Variants in IRAG1 observed in about 807,000 individuals in gnomAD.
IRAG1 encodes the protein IP3R-associated cGMP kinase substrate.
IRAG1 carries 62 observed loss-of-function variants against 106.2 expected under a neutral mutation model. The ratio of observed to expected loss-of-function variants is 0.58; its 90% CI spans 0.48 to 0.72. The LOEUF is 0.72. Ranked by LOEUF, IRAG1 falls within the 30% of genes least tolerant of loss-of-function variation. The pLI, the probability that IRAG1 is intolerant of heterozygous loss-of-function variation, is 0.00. For missense variants in IRAG1, 1,064 were observed against 1,140.7 expected, an observed-to-expected ratio of 0.93 and a Z score of 0.97; for synonymous variants, 462 against 443.9, an observed-to-expected ratio of 1.04 and a Z score of -0.51.
Position 10,632,019 on chromosome 11 carries a change from C to T in IRAG1, c.372G>A (p.Lys124=). The stretch of plus-strand genomic sequence containing the variant: ...CAGATGTCAGGGAGGCAGTGGACAC[C>T]TTCAAGTGTCGGTGAGAAAGCCTCT... ...PHKRLSHRHL[K]VSTASLTSVD... is the part of the protein sequence containing the mutation. The change falls in exon 4 of 21, where the codon AAG becomes AAA. Residue 124 remains lysine, a synonymous_variant. Transcript: ENST00000423302. 1 of 1,613,850 alleles carries T rather than the reference C, an allele frequency of 6.2e-7. No homozygotes were observed. The highest frequency in any genetic ancestry group is 8.5e-7 in the Non-Finnish European group (1 of 1,179,854).
At chr11:10,634,772 T>TGTGTGG (rs1270499691) in intron 2 of IRAG1, among the ~76,000 whole-genome samples, 1 of 151,502 alleles carries the variant, frequency 6.6e-6, no homozygotes, top group Non-Finnish European at 1.5e-5. Flanking sequence ...TGTGTGTGTG[T>TGTGTGG]GTGTGTGTGT....
Position 10,628,872 on chromosome 11 carries a change from G to A in IRAG1, c.575-44C>T, listed in dbSNP as rs1257095095. On this transcript the variant is annotated intron_variant, in intron 5 of 20. Transcript: ENST00000423302. The surrounding 1 kb of genome is among the most constrained non-coding windows in gnomAD (Gnocchi z 4.1). ...ATTGGCTGGCATTCATGAAGGTTTA[G>A]GACTTCAACCTGGCAAAGGCATCCT... is the stretch of plus-strand genomic sequence containing the variant. 6.5e-7 allele frequency: 1 copy of A among 1,532,996 alleles called. No homozygotes were observed. The highest frequency in any genetic ancestry group is 1.4e-5 in the African/African-American group (1 of 72,330). 95.0% of individuals were successfully genotyped at this position (1,532,996 alleles called of 1,614,324 possible).
At position 10,626,177 on chromosome 11, in the gene IRAG1, C is replaced by G. The variant is rs769449100; in HGVS notation, c.1157G>C (p.Arg386Pro). Reference protein sequence around the residue: ...SKAELPPTVSRPPLLRGLSWD... With the variant: ...SKAELPPTVSPPPLLRGLSWD... ...GGAGAGCCCTCGCAGCAGCGGGGGCCGGGACACAGTGGGTGGAAGCTCAGC... is the reference window on the plus strand; with the variant it reads ...GGAGAGCCCTCGCAGCAGCGGGGGCGGGGACACAGTGGGTGGAAGCTCAGC... Residue 386 changes from arginine (R) to proline (P), a missense_variant, in exon 9 of 21, where the codon CGG becomes CCG. Transcript: ENST00000423302. 1 of 1,552,526 alleles carries G rather than the reference C, an allele frequency of 6.4e-7. No homozygotes were observed. The highest frequency in any genetic ancestry group is 1.4e-5 in the African/African-American group (1 of 72,970).
chr11:10,603,260 G>C lies in IRAG1; in HGVS notation c.1744-9C>G. The C allele has an allele frequency of 6.2e-7, 1 of 1,613,354 alleles. No individual in the cohort carries two copies. On this transcript the variant is annotated splice_polypyrimidine_tract_variant and intron_variant, in intron 13 of 20. Transcript: ENST00000423302. The stretch of plus-strand genomic sequence containing the variant: ...CAGAGTGAAGCTGAGGACTGAACAG[G>C]AGTAGGAGCATCACCTGGGGTCCTC...
At chr11:10,614,695 G>T (rs1390005195) in intron 10 of IRAG1, among the ~76,000 whole-genome samples, 1 of 152,330 alleles carries the variant, frequency 6.6e-6, no homozygotes, top group East Asian at 1.9e-4. Flanking sequence ...ATGGGGAAAG[G>T]AGTCCTATTT....
intron 1 of IRAG1, among the ~76,000 whole-genome samples, chr11:10,680,411 AAG>A (rs1482564882): frequency 2.8e-4 from 33 of 117,326 alleles, no homozygotes; most frequent in South Asian, 6.0e-4. Context: ...GAAGGAAAGA[AAG>A]GGAAAGAAAG....
intron 2 of IRAG1, among the ~76,000 whole-genome samples, chr11:10,646,922 T>G (rs1857996222): frequency 6.6e-6 from 1 of 152,024 alleles, no homozygotes. Context: ...GACAGCCCAC[T>G]CAAGTTAAAG....
intron 18 of IRAG1, among the ~76,000 whole-genome samples, chr11:10,585,298 C>CTA (rs1318175683): frequency 6.6e-6 from 1 of 152,112 alleles, no homozygotes; most frequent in Non-Finnish European, 1.5e-5. Context: ...TTCAGCTCCC[C>CTA]TATAGGGCTC....
At chr11:10,591,800 C>CCTCTAGGGCACATGCAGCTTCCTCCTTTT (rs1852705002) in intron 17 of IRAG1, among the ~76,000 whole-genome samples, 188 bp from the exon 18 acceptor site, 1 of 152,202 alleles carries the variant, frequency 6.6e-6, no homozygotes, top group Non-Finnish European at 1.5e-5. Context: ...GTCCTCCTTT[C>CCTCTAGGGCACATGCAGCTTCCTCCTTTT]CTCTAGGGCA....
At chr11:10,677,523 TC>T (rs1860781136) in intron 1 of IRAG1, among the ~76,000 whole-genome samples, 1 of 152,070 alleles carries the variant, frequency 6.6e-6, no homozygotes, top group African/African-American at 2.4e-5. Context: ...GACTACCCCG[TC>T]CCCTCCCCTC....
Position 10,603,131 on chromosome 11 carries a change from C to T in IRAG1, c.1864G>A (p.Ala622Thr), listed in dbSNP as rs748355348. 10 of 1,609,736 alleles carry T rather than the reference C, an allele frequency of 6.2e-6. No individual in the cohort carries two copies. Among genetic ancestry groups the T allele is most frequent in the African/African-American group, 2.7e-5 (2 of 74,832 alleles). The stretch of plus-strand genomic sequence containing the variant: ...CTGGAGAGACTCACCTGGCGGACGG[C>T]GCCTACCACCTCAGCTCGGCTGGAG... ...RLSSRAEVVG[A>T]VRQEKRMSKA... The change falls in exon 14 of 21, where the codon GCC (alanine) becomes ACC (threonine). Residue 622 changes from alanine to threonine, a missense_variant. Ala to Thr is a moderately conservative substitution (Grantham distance 58, BLOSUM62 0). Transcript: ENST00000423302.
chr11:10,688,378 TCAC>T (rs1469116056), intron 1 of IRAG1, among the ~76,000 whole-genome samples: 3 of 152,160 alleles, frequency 2.0e-5, no homozygotes, highest in Non-Finnish European at 2.9e-5. Context: ...GGGGTTATTT[TCAC>T]CACACCTGTA....
intron 15 of IRAG1, chr11:10,599,818 G>A (rs1192598285): frequency 6.6e-6 from 1 of 152,190 alleles, no homozygotes; most frequent in Non-Finnish European, 1.5e-5. Flanking sequence ...GACTGAGAAA[G>A]AGCCTCCTAC....
At chr11:10,577,530 T>C (rs910723201) in intron 20 of IRAG1, among the ~76,000 whole-genome samples, 6 of 152,084 alleles carry the variant, frequency 3.9e-5, no homozygotes, top group Admixed American at 2.0e-4. Context: ...CTAACCCAAT[T>C]TAAAAAATAA....
chr11:10,681,466 TA>T (rs1328416070), intron 1 of IRAG1, among the ~76,000 whole-genome samples: 1 of 152,058 alleles, frequency 6.6e-6, no homozygotes, highest in Non-Finnish European at 1.5e-5. Context: ...TTGTAGAAAA[TA>T]AACAATAACA....
intron 1 of IRAG1, among the ~76,000 whole-genome samples, chr11:10,670,316 T>A (rs1360876276): frequency 6.6e-6 from 1 of 152,220 alleles, no homozygotes; most frequent in Non-Finnish European, 1.5e-5. Context: ...CTAGGTGTTA[T>A]GTACATGTCT....
At position 10,629,636 on chromosome 11, in the gene IRAG1, T is replaced by C; in HGVS notation, c.476A>G (p.Lys159Arg). The stretch of plus-strand genomic sequence containing the variant: ...GGCTTCTTCCAGCAGCGCCAGGTTT[T>C]TCTTCTTGTCCTCCTCTGAGATGCT... The part of the protein sequence containing the change: ...DISISEEDKK[K>R]NLALLEEAKL... Residue 159 changes from lysine to arginine, a missense_variant, in exon 5 of 21, where the codon AAA becomes AGA. Lys to Arg is a conservative substitution (Grantham distance 26). Coordinates refer to ENST00000423302, the MANE Select transcript of IRAG1 (RefSeq NM_130385.4). 6.2e-7 allele frequency: 1 copy of C among 1,614,008 alleles called. No individual in the cohort carries two copies. The highest frequency in any genetic ancestry group is 8.5e-7 in the Non-Finnish European group (1 of 1,179,886).
intron 1 of IRAG1, among the ~76,000 whole-genome samples, chr11:10,683,866 C>T (rs1167791700): frequency 2.9e-5 from 4 of 139,870 alleles, no homozygotes; most frequent in African/African-American, 1.1e-4. Context: ...TTAGGGAAAG[C>T]AGGAAAATTG....
intron 18 of IRAG1, among the ~76,000 whole-genome samples, chr11:10,584,351 C>A (rs982096812): frequency 6.6e-6 from 1 of 152,088 alleles, no homozygotes; most frequent in Non-Finnish European, 1.5e-5. Context: ...CTGGAAACCA[C>A]AACCCATTGT....
Sources: gnomAD v4.1 joint callset for allele counts (sites outside exome capture counted in the v4.1 genomes callset) on GRCh38, gnomAD v4.1.1 for gene constraint, Gnocchi (gnomAD v3.1) non-coding constraint, MANE v1.5 for transcripts, NCBI Gene and HGNC (gene_info 2026-07-23, HGNC 2026-07-21) for gene names.